Variants in SSBP4 observed in about 807,000 individuals in gnomAD.
SSBP4 encodes single-stranded DNA-binding protein 4.
SSBP4 carries 33 observed loss-of-function variants against 64.6 expected under a neutral mutation model. The ratio of observed to expected loss-of-function variants is 0.51; its 90% CI spans 0.39 to 0.68. The LOEUF is 0.68. Among genes scored for constraint, SSBP4 ranks in the 30% least tolerant of loss-of-function variants. SSBP4 has a pLI of 0.00. For synonymous variants in SSBP4, 243 were observed against 224.0 expected, an observed-to-expected ratio of 1.08 and a Z score of -0.76; for missense variants, 583 against 566.8, an observed-to-expected ratio of 1.03 and a Z score of -0.29.
the SSBP4 span, among the ~76,000 whole-genome samples, chr19:18,406,418 T>C: frequency 6.6e-6 from 1 of 151,960 alleles, no homozygotes; most frequent in South Asian, 2.1e-4. Flanking sequence ...TGGCCTCAAA[T>C]GATCTTCCCA....
Position 18,423,817 on chromosome 19 carries a change from T to G in SSBP4, c.60-3534T>G, listed in dbSNP as rs998541656. ...TTTCCTTTCTGGCCACCTGCCTGTG[T>G]GACACAGGGAGCCCTCATAGGTGAC... is the stretch of plus-strand genomic sequence containing the variant. On this transcript the variant is annotated intron_variant, in intron 1 of 17. Coordinates refer to ENST00000270061, the MANE Select transcript of SSBP4 (RefSeq NM_032627.5). This position sits in a 1 kb window ranked among gnomAD's most constrained non-coding sequence, Gnocchi z 4.0. 6.6e-6 allele frequency among the ~76,000 whole-genome samples: 1 copy of G among 152,146 alleles called. No individual in the cohort carries two copies. Among genetic ancestry groups the G allele is most frequent in the African/African-American group, 2.4e-5 (1 of 41,424 alleles).
chr19:18,434,276 G>T lies in SSBP4; in HGVS notation c.*30G>T. The stretch of plus-strand genomic sequence containing the variant: ...GCGGCAGCCCCGGGCCTCTCTGCGG[G>T]CCTAGGCTTCTGCCCAGCGCCCCTG... On this transcript the variant is annotated 3_prime_UTR_variant, in exon 18 of 18. Coordinates refer to ENST00000270061, the MANE Select transcript of SSBP4 (RefSeq NM_032627.5). 1 of 1,609,244 alleles carries T rather than the reference G, an allele frequency of 6.2e-7. No homozygotes were observed. The highest frequency in any genetic ancestry group is 1.3e-5 in the African/African-American group (1 of 74,770).
intron 15 of SSBP4, 58 bp from the exon 16 acceptor site, chr19:18,433,527 C>A (rs1032675629): frequency 6.5e-7 from 1 of 1,542,976 alleles, no homozygotes; most frequent in Non-Finnish European, 8.7e-7. Flanking sequence ...CCCCTGGAGG[C>A]CGAGGGGCAT....
chr19:18,428,967 CTG>C (rs1420125864), intron 4 of SSBP4, among the ~76,000 whole-genome samples: 2 of 152,194 alleles, frequency 1.3e-5, no homozygotes, highest in Non-Finnish European at 2.9e-5. Flanking sequence ...AGCATCCTCT[CTG>C]GGCGCCCCCC....
chr19:18,415,333 G>A (rs978357507), upstream of SSBP4, among the ~76,000 whole-genome samples: 4 of 152,140 alleles, frequency 2.6e-5, no homozygotes, highest in Non-Finnish European at 5.9e-5. Context: ...GAGGGAGGCC[G>A]TTTCCGCCAC....
upstream of SSBP4, among the ~76,000 whole-genome samples, chr19:18,416,300 C>T (rs8102195): frequency 0.13 from 19,159 of 152,182 alleles, 1,248 homozygotes; most frequent in South Asian, 0.18. Flanking sequence ...CAGGCATGAG[C>T]CACCGCGCCC....
Position 18,430,836 on chromosome 19 carries a change from TAC to T in SSBP4, c.280-3_280-2del. 1 of 1,611,688 alleles carries T rather than the reference TAC, an allele frequency of 6.2e-7. No homozygotes were observed. The highest frequency in any genetic ancestry group is 1.1e-5 in the South Asian group (1 of 90,924). The stretch of plus-strand genomic sequence containing the variant: ...TGGCCCTCTGGGTTTCCCGCACCCT[TAC>T]AGAGTGCTGCAGCCGCCCCCAGCCC... On this transcript the variant is annotated splice_polypyrimidine_tract_variant and splice_region_variant and intron_variant, in intron 4 of 17. Coordinates refer to ENST00000270061, the MANE Select transcript of SSBP4 (RefSeq NM_032627.5).
chr19:18,434,195 C>T (rs761297857), intron 17 of SSBP4, 22 bp from the exon 18 acceptor site: 1 of 1,610,834 alleles, frequency 6.2e-7, no homozygotes, highest in South Asian at 1.1e-5. Context: ...CCCCTGCGCG[C>T]TGCCCCCTCC....
In SSBP4 at chr19:18,432,249, C is replaced by G. The variant is rs375731455; in HGVS notation, c.704+35C>G. On this transcript the variant is annotated intron_variant, in intron 10 of 17. Coordinates refer to ENST00000270061, the MANE Select transcript of SSBP4 (RefSeq NM_032627.5). ...TGGGGGATCCTAGGAGTGTGCAGTT[C>G]GCAGGCCACCACCAGCTTCATGGCT... 10 of 1,603,982 alleles carry G rather than the reference C, an allele frequency of 6.2e-6. No homozygotes were observed. In the East Asian group the frequency reaches 1.3e-4, roughly 22 times the overall value.
intron 4 of SSBP4, among the ~76,000 whole-genome samples, chr19:18,429,478 G>T (rs1268362394): frequency 2.0e-5 from 3 of 151,304 alleles, no homozygotes; most frequent in Non-Finnish European, 3.0e-5. Context: ...GGCGGGGGGG[G>T]GGTGCGGTGG....
At chr19:18,431,554 T>C (rs1973382331) in intron 6 of SSBP4, 93 bp from the exon 7 acceptor site, 5 of 1,465,800 alleles carry the variant, frequency 3.4e-6, no homozygotes, top group Non-Finnish European at 4.6e-6. Flanking sequence ...AGGAGGGGGC[T>C]CCCCAGGTCG....
chr19:18,419,324 C>T (rs1972255003), upstream of SSBP4: 2 of 1,009,662 alleles, frequency 2.0e-6, no homozygotes, highest in Non-Finnish European at 2.4e-6. Flanking sequence ...GCCATCGCCC[C>T]TTTAAGAGCT....
At chr19:18,433,491 CG>C in intron 15 of SSBP4, 93 bp from the exon 16 acceptor site, 3 of 1,337,788 alleles carry the variant, frequency 2.2e-6, no homozygotes, top group Non-Finnish European at 3.0e-6. Context: ...GGCGCGTCGG[CG>C]GGGGCAGCTT....
the SSBP4 span, among the ~76,000 whole-genome samples, chr19:18,413,268 G>C: frequency 1.3e-5 from 2 of 151,910 alleles, no homozygotes; most frequent in African/African-American, 4.8e-5. Context: ...GAGTGCAATG[G>C]CACAATCTCA....
intron 4 of SSBP4, 58 bp downstream of exon 4, chr19:18,428,040 G>A (rs1972992608): frequency 1.3e-6 from 2 of 1,546,644 alleles, no homozygotes; most frequent in Non-Finnish European, 1.8e-6. Context: ...CTGGGCCTGT[G>A]GCTGGGGAGG....
At position 18,431,361 on chromosome 19, in the gene SSBP4, C is replaced by A; in HGVS notation, c.378C>A (p.Pro126=). 9.4e-7 allele frequency: 1 copy of A among 1,068,600 alleles called. No individual in the cohort carries two copies. The highest frequency in any genetic ancestry group is 1.4e-6 in the Non-Finnish European group (1 of 733,040). 66.2% of individuals were successfully genotyped at this position (1,068,600 alleles called of 1,614,324 possible). Residue 126 remains proline, a synonymous_variant, in exon 6 of 18, where the codon CCC becomes CCA. Transcript: ENST00000270061. ...SMAAGFFQGP[P]GSQPSPHNPN... ...TGGTTCTGTCCTCCTAGGGCCCCCC[C>A]GGCTCCCAGCCGTCCCCCCACAACC...
chr19:18,412,290 G>A, the SSBP4 span, among the ~76,000 whole-genome samples: 3 of 151,530 alleles, frequency 2.0e-5, no homozygotes, highest in Admixed American at 6.6e-5. Flanking sequence ...GTGAAACGCC[G>A]TCTCTACTAA....
At chr19:18,414,346 G>A (rs1158870588), upstream of SSBP4, among the ~76,000 whole-genome samples, 2 of 152,182 alleles carry the variant, frequency 1.3e-5, no homozygotes, top group Non-Finnish European at 2.9e-5. Flanking sequence ...AGAAATGATG[G>A]CTGGGCTTGT....
chr19:18,415,952 C>CG (rs2144653148), upstream of SSBP4, among the ~76,000 whole-genome samples: 1 of 152,298 alleles, frequency 6.6e-6, no homozygotes, highest in African/African-American at 2.4e-5. Context: ...GCCCCTTCCC[C>CG]GGGGCAACCT....
Sources: gnomAD v4.1 joint callset for allele counts (sites outside exome capture counted in the v4.1 genomes callset) on GRCh38, gnomAD v4.1.1 for gene constraint, Gnocchi (gnomAD v3.1) non-coding constraint, MANE v1.5 for transcripts, NCBI Gene and HGNC (gene_info 2026-07-23, HGNC 2026-07-21) for gene names.